ATG7: variants seen among roughly 807,000 people sequenced by gnomAD.
ATG7 encodes autophagy related 7.
ATG7 carries 70 observed loss-of-function variants against 82.4 expected under a neutral mutation model. That is an observed-to-expected ratio of 0.85 (90% CI 0.70 to 1.04). The LOEUF (loss-of-function observed/expected upper bound fraction) is 1.04, where lower values mean the gene tolerates loss of function less well. Ranked by LOEUF, ATG7 falls within the 50% of genes least tolerant of loss-of-function variation. ATG7 has a pLI of 0.00. For missense variants in ATG7, 792 were observed against 864.3 expected (o/e 0.92, Z 1.05); for synonymous variants, 287 against 313.0 (o/e 0.92, Z 0.88).
chr3:11,503,843 A>ACTACTAAATTT (rs1559764368), intron 20 of ATG7, among the ~76,000 whole-genome samples: 5 of 152,024 alleles, frequency 3.3e-5, no homozygotes, highest in Admixed American at 6.5e-5. Context: ...GAAGGATTAG[A>ACTACTAAATTT]CAGTGAAATT....
chr3:11,314,322 A>G (rs1949085410), intron 8 of ATG7, among the ~76,000 whole-genome samples: 1 of 152,224 alleles, frequency 6.6e-6, no homozygotes, highest in South Asian at 2.1e-4. Flanking sequence ...TTCTTGAAAC[A>G]CATCAATCAC....
At chr3:11,320,554 C>T (rs1950083073) in intron 9 of ATG7, among the ~76,000 whole-genome samples, 3 of 152,228 alleles carry the variant, frequency 2.0e-5, no homozygotes, top group African/African-American at 7.2e-5. Context: ...TCCCAAAGTG[C>T]TGGGATTACA....
chr3:11,289,856 G>A (rs762615344), intron 3 of ATG7, among the ~76,000 whole-genome samples: 6 of 151,522 alleles, frequency 4.0e-5, no homozygotes, highest in Non-Finnish European at 8.8e-5. Context: ...CACTGCACTG[G>A]GCCTTTTTTT....
At chr3:11,479,401 A>G (rs1470720412) in intron 20 of ATG7, among the ~76,000 whole-genome samples, 1 of 152,226 alleles carries the variant, frequency 6.6e-6, no homozygotes, top group Admixed American at 6.5e-5. Flanking sequence ...TGGAAAGGCC[A>G]CACACCATAT....
intron 20 of ATG7, among the ~76,000 whole-genome samples, chr3:11,536,642 C>A (rs1367955117): frequency 6.6e-6 from 1 of 152,218 alleles, no homozygotes; most frequent in African/African-American, 2.4e-5. Context: ...GCGGGGAGTC[C>A]CGAGAGCGGA....
chr3:11,542,090 G>A (rs758442157), intron 20 of ATG7, among the ~76,000 whole-genome samples: 1 of 152,178 alleles, frequency 6.6e-6, no homozygotes, highest in Non-Finnish European at 1.5e-5. Context: ...GCACTGGACA[G>A]CATACCCCGT....
chr3:11,433,688 G>A (rs965162278), intron 20 of ATG7, among the ~76,000 whole-genome samples: 19 of 152,142 alleles, frequency 1.2e-4, no homozygotes, highest in African/African-American at 4.6e-4. Context: ...ATTTTAGGCT[G>A]TTTTACTTCC....
At position 11,391,962 on chromosome 3, in the gene ATG7, G is replaced by C. The variant is rs544918049; in HGVS notation, c.1956+11910G>C. Among the ~76,000 whole-genome samples, 8 of 143,190 alleles carry C rather than the reference G, an allele frequency of 5.6e-5. 1 individual carries two copies. The South Asian group carries it at 1.4e-3, about 25-fold the overall frequency. The allele number at this position is 143,190 out of a possible 152,430, so 93.9% of individuals were successfully genotyped here. On this transcript the variant is annotated intron_variant, in intron 19 of 20. Transcript: ENST00000693202. ...ATAGAATTCCATTGTACTTATTGGG[G>C]GGGGGGTAATTTCACTTTAAATTTT...
chr3:11,439,316 G>A (rs562755703), intron 20 of ATG7, among the ~76,000 whole-genome samples: 12 of 152,064 alleles, frequency 7.9e-5, no homozygotes, highest in Admixed American at 2.6e-4. Flanking sequence ...TGATCTGCCC[G>A]TCTCAGCCTC....
the ATG7 span, chr3:11,568,524 G>A: frequency 1.3e-6 from 2 of 1,533,602 alleles, no homozygotes; most frequent in Non-Finnish European, 8.8e-7. The surrounding 1 kb of genome is among the most constrained non-coding windows in gnomAD (Gnocchi z 5.9). Flanking sequence ...GGCACTATGG[G>A]TCAGACAAAG....
intron 20 of ATG7, among the ~76,000 whole-genome samples, chr3:11,441,175 T>C (rs2083915126): frequency 6.6e-6 from 1 of 152,180 alleles, no homozygotes; most frequent in African/African-American, 2.4e-5. Context: ...TTAATCCTCT[T>C]TGAAAGAGGC....
chr3:11,470,010 G>A (rs202224623), intron 20 of ATG7, among the ~76,000 whole-genome samples: 1,691 of 70,058 alleles, frequency 0.024, 19 homozygotes, highest in Non-Finnish European at 0.031. Context: ...AAAAAAAAAA[G>A]AGAGAGAGAG....
At chr3:11,422,679 C>CT (rs142313134) in intron 19 of ATG7, among the ~76,000 whole-genome samples, 3,672 of 135,080 alleles carry the variant, frequency 0.027, 71 homozygotes, top group South Asian at 0.051. Flanking sequence ...AGAGGTTTAG[C>CT]TTTTTTTTAG....
chr3:11,412,343 T>C (rs1458559714), intron 19 of ATG7, among the ~76,000 whole-genome samples: 1 of 151,916 alleles, frequency 6.6e-6, no homozygotes, highest in Non-Finnish European at 1.5e-5. Context: ...GTTTCAAGCT[T>C]TAACAGCAGA....
chr3:11,296,096 T>G (rs1321373211), intron 3 of ATG7, among the ~76,000 whole-genome samples: 1 of 152,152 alleles, frequency 6.6e-6, no homozygotes, highest in African/African-American at 2.4e-5. Flanking sequence ...CTATTTCTTT[T>G]TACTCCCTAA....
At position 11,502,037 on chromosome 3, in the gene ATG7, T is replaced by TAAAC. The variant is rs1553699923; in HGVS notation, c.2080-52773_2080-52772insAACA. Reference sequence around the variant, plus strand: ...ATGGTAGTAAACATATATACACACATACACACATATGTTTATATATATGTT... The same window carrying TAAAC: ...ATGGTAGTAAACATATATACACACATAAACACACACATATGTTTATATATATGTT... On this transcript the variant is annotated intron_variant, in intron 20 of 20. Transcript: ENST00000693202. Among the ~76,000 whole-genome samples the TAAAC allele has an allele frequency of 2.5e-4, 38 of 151,224 alleles. 1 individual carries two copies. The highest frequency in any genetic ancestry group is 9.0e-4 in the African/African-American group (37 of 41,100).
At chr3:11,351,331 G>T (rs1316046246) in intron 14 of ATG7, among the ~76,000 whole-genome samples, 2 of 152,220 alleles carry the variant, frequency 1.3e-5, no homozygotes, top group African/African-American at 4.8e-5. Context: ...GCCTGACCTA[G>T]ATGAGGGGTG....
intron 20 of ATG7, among the ~76,000 whole-genome samples, chr3:11,479,879 G>A (rs1368698130): frequency 6.6e-6 from 1 of 151,496 alleles, no homozygotes; most frequent in South Asian, 2.1e-4. Context: ...GATTTGAAGG[G>A]GTCATTTGTT....
chr3:11,279,538 G>T (rs1942607347), intron 1 of ATG7, among the ~76,000 whole-genome samples: 1 of 152,050 alleles, frequency 6.6e-6, no homozygotes, highest in South Asian at 2.1e-4. Context: ...ACAAAAATTA[G>T]CCAGGCATGG....
Sources: gnomAD v4.1 joint callset for allele counts (sites outside exome capture counted in the v4.1 genomes callset) on GRCh38, gnomAD v4.1.1 for gene constraint, Gnocchi (gnomAD v3.1) non-coding constraint, MANE v1.5 for transcripts, NCBI Gene and HGNC (gene_info 2026-07-23, HGNC 2026-07-21) for gene names.